SFI1: variants seen among roughly 807,000 people sequenced by gnomAD.
The protein encoded by SFI1 is protein SFI1 homolog.
SFI1 carries 195 observed loss-of-function variants against 207.5 expected under a neutral mutation model. The ratio of observed to expected loss-of-function variants is 0.94; its 90% confidence interval spans 0.84 to 1.06. The LOEUF (loss-of-function observed/expected upper bound fraction) is 1.06, where lower values mean the gene tolerates loss of function less well. Ranked by LOEUF, SFI1 falls within the 50% of genes least tolerant of loss-of-function variation. The pLI, the probability that SFI1 is intolerant of heterozygous loss-of-function variation, is 0.00. For missense variants in SFI1, 1,634 were observed against 1,588.0 expected, an observed-to-expected ratio of 1.03 and a Z score of -0.49; for synonymous variants, 630 against 598.9, an observed-to-expected ratio of 1.05 and a Z score of -0.76.
At chr22:31,540,065 TG>T (rs1488583358) in intron 4 of SFI1, among the ~76,000 whole-genome samples, 1 of 151,496 alleles carries the variant, frequency 6.6e-6, no homozygotes, top group African/African-American at 2.4e-5. Flanking sequence ...AAGGCTTCAC[TG>T]TAGGCTTTTG....
At chr22:31,565,859 G>C (rs984605826) in intron 8 of SFI1, among the ~76,000 whole-genome samples, 5 of 152,052 alleles carry the variant, frequency 3.3e-5, no homozygotes, top group Non-Finnish European at 7.4e-5. Context: ...AATAGAGACA[G>C]GGTCTTTCTC....
intron 3 of SFI1, 108 bp downstream of exon 3, chr22:31,528,971 C>G: frequency 3.7e-6 from 4 of 1,082,976 alleles, no homozygotes; most frequent in African/African-American, 1.6e-5. Flanking sequence ...AGTGGGAGAT[C>G]TTGATGCCTG....
At chr22:31,617,796 C>T (rs1165781672) in intron 31 of SFI1, among the ~76,000 whole-genome samples, 4 of 151,790 alleles carry the variant, frequency 2.6e-5, no homozygotes, top group Admixed American at 2.6e-4. Flanking sequence ...ATTCAACATG[C>T]AGCAACCTCA....
At chr22:31,536,404 C>A (rs563711577) in intron 4 of SFI1, among the ~76,000 whole-genome samples, 1 of 152,026 alleles carries the variant, frequency 6.6e-6, no homozygotes, top group African/African-American at 2.4e-5. Flanking sequence ...TCCTAAAATC[C>A]GTTTTATTTA....
chr22:31,598,789 CTT>C lies in SFI1; in HGVS notation c.1545-3402_1545-3401del, dbSNP rs1203871840. 9.3e-5 allele frequency among the ~76,000 whole-genome samples: 6 copies of C among 64,410 alleles called. No individual in the cohort carries two copies. In the East Asian group the frequency reaches 2.7e-3, roughly 29 times the overall value. The allele number at this position is 64,410 out of a possible 152,430, so 42.3% of individuals were successfully genotyped here. ...GTTGGATTGATACAGTCCAGTTTAT[CTT>C]TTTTTTTTTTTTTTTTTTTTGAGAT... On this transcript the variant is annotated intron_variant, in intron 15 of 32. Transcript: ENST00000400288.
intron 5 of SFI1, among the ~76,000 whole-genome samples, chr22:31,548,604 CT>C (rs1472772884): frequency 2.0e-5 from 3 of 150,816 alleles, no homozygotes. Context: ...GATCGCACCA[CT>C]GTACTCCAGC....
intron 4 of SFI1, 60 bp from the exon 5 acceptor site, chr22:31,546,801 T>G: frequency 8.5e-7 from 1 of 1,180,292 alleles, no homozygotes; most frequent in Non-Finnish European, 1.2e-6. Flanking sequence ...ATATGTGATT[T>G]GGGAAGAGAT....
chr22:31,583,406 C>T (rs545254395), intron 12 of SFI1, among the ~76,000 whole-genome samples: 2 of 152,300 alleles, frequency 1.3e-5, no homozygotes, highest in Admixed American at 6.5e-5. Context: ...TGAGCTACTG[C>T]GCCCAGCCCA....
intron 2 of SFI1, among the ~76,000 whole-genome samples, chr22:31,528,160 C>T (rs1258476411): frequency 6.6e-6 from 1 of 151,684 alleles, no homozygotes; most frequent in Non-Finnish European, 1.5e-5. Flanking sequence ...TGGTGCATGC[C>T]TGTAGTGTCA....
At chr22:31,543,827 A>G (rs1160894354) in intron 4 of SFI1, among the ~76,000 whole-genome samples, 4 of 150,234 alleles carry the variant, frequency 2.7e-5, no homozygotes, top group Non-Finnish European at 5.9e-5. Flanking sequence ...AAAAAAAAAG[A>G]AAAAAAACTA....
chr22:31,559,786 T>C (rs2061502482), intron 7 of SFI1: 3 of 733,142 alleles, frequency 4.1e-6, no homozygotes, highest in Non-Finnish European at 7.5e-6. Context: ...TAGCCAGTGG[T>C]CTGGACAAGA....
At chr22:31,585,001 A>C in intron 13 of SFI1, 67 bp from the exon 14 acceptor site, 1 of 1,458,678 alleles carries the variant, frequency 6.9e-7, no homozygotes, top group Non-Finnish European at 9.6e-7. Flanking sequence ...ACTGTACCGC[A>C]ATTTACCTGC....
chr22:31,577,732 TAAAAA>T (rs1283540679), intron 10 of SFI1, among the ~76,000 whole-genome samples: 3 of 152,008 alleles, frequency 2.0e-5, no homozygotes, highest in Non-Finnish European at 4.4e-5. Flanking sequence ...CCCAGTCTCT[TAAAAA>T]AGAAAAGAAG....
intron 8 of SFI1, among the ~76,000 whole-genome samples, chr22:31,571,603 C>T (rs1023642910): frequency 6.6e-6 from 1 of 152,026 alleles, no homozygotes; most frequent in African/African-American, 2.4e-5. Flanking sequence ...GTGTGAGCCA[C>T]CCCGCCCCAC....
At chr22:31,516,604 AG>A (rs1431390810) in intron 2 of SFI1, among the ~76,000 whole-genome samples, 1 of 152,032 alleles carries the variant, frequency 6.6e-6, no homozygotes, top group Non-Finnish European at 1.5e-5. Context: ...AGATCATTTG[AG>A]GTCAGGAGTT....
At chr22:31,575,847 G>A (rs559942124) in intron 10 of SFI1, among the ~76,000 whole-genome samples, 3 of 152,214 alleles carry the variant, frequency 2.0e-5, no homozygotes, top group South Asian at 4.2e-4. Context: ...CTTTTACTAC[G>A]TAGCAGACAT....
At chr22:31,562,492 G>A (rs2061815515) in intron 8 of SFI1, among the ~76,000 whole-genome samples, 1 of 151,526 alleles carries the variant, frequency 6.6e-6, no homozygotes, top group Admixed American at 6.6e-5. Context: ...TGTGTTAGGT[G>A]CTAGACTAAG....
rs1246973048 is a variant in SFI1 at position 31,582,204 on chromosome 22, TTTTATATATATATATA to T, written c.1249-1669_1249-1654del. On this transcript the variant is annotated intron_variant, in intron 12 of 32. Transcript: ENST00000400288. ...CCCCCAACAACACTTCTTTATTACA[TTTTATATATATATATA>T]TATATATATATATATATTTTTTTTT... Among the ~76,000 whole-genome samples, 6 of 16,004 alleles carry T rather than the reference TTTTATATATATATATA, an allele frequency of 3.7e-4. 1 individual carries two copies. Among genetic ancestry groups the T allele is most frequent in the South Asian group, 5.8e-3 (2 of 344 alleles). 10.5% of individuals were successfully genotyped at this position (16,004 alleles called of 152,430 possible). A position where few individuals can be genotyped will look rare whatever the true frequency, so the allele number is the denominator to read the frequency against.
chr22:31,536,902 T>A (rs1264524665), intron 4 of SFI1, among the ~76,000 whole-genome samples: 3 of 151,948 alleles, frequency 2.0e-5, no homozygotes, highest in Non-Finnish European at 4.4e-5. Context: ...TTTTTGTTTT[T>A]TTTTTTAAAA....
Sources: allele counts gnomAD v4.1 joint callset (sites outside exome capture counted in the v4.1 genomes callset), GRCh38; gene constraint gnomAD v4.1.1; transcripts MANE v1.5; gene names NCBI Gene and HGNC (gene_info 2026-07-23, HGNC 2026-07-21).